The following PDS5A variants were observed in gnomAD, a reference collection of about 807,000 sequenced individuals.
PDS5A encodes the protein PDS5 cohesin associated factor A, also known as sister chromatid cohesion protein PDS5 homolog A.
PDS5A carries 42 observed loss-of-function variants against 167.1 expected under a neutral mutation model. The ratio of observed to expected loss-of-function variants is 0.25; its 90% CI spans 0.20 to 0.33. The LOEUF (loss-of-function observed/expected upper bound fraction) is 0.33. Ranked by LOEUF, PDS5A falls within the 10% of genes least tolerant of loss-of-function variation. The probability of loss-of-function intolerance (pLI) is 1.00; values close to 1 mark genes in which losing one functional copy is unlikely to be tolerated. For missense variants in PDS5A, 1,033 were observed against 1,605.9 expected (o/e 0.64, Z 6.10); for synonymous variants, 553 against 554.6 (o/e 1.00, Z 0.04).
intron 17 of PDS5A, among the ~76,000 whole-genome samples, chr4:39,885,580 T>C (rs1032835648): frequency 7.9e-5 from 12 of 151,502 alleles, no homozygotes; most frequent in African/African-American, 2.4e-4. Flanking sequence ...CAGAGTGAGA[T>C]CGTGTATCCA....
At position 39,844,933 on chromosome 4, in the gene PDS5A, T is replaced by C. The variant is rs1717454110; in HGVS notation, c.3403-132A>G. ...TTAAATTTACCAGAAATGTTCATTC[T>C]GGGCCAGGCATACTGGCTCCTGACT... On this transcript the variant is annotated intron_variant, in intron 29 of 32. Transcript: ENST00000303538. 3.0e-6 allele frequency: 3 copies of C among 988,502 alleles called. No individual in the cohort carries two copies. In the Admixed American group the frequency reaches 1.0e-4, roughly 34 times the overall value. The allele number at this position is 988,502 out of a possible 1,614,324, so 61.2% of individuals were successfully genotyped here.
intron 32 of PDS5A, among the ~76,000 whole-genome samples, chr4:39,829,754 A>G (rs1715654311): frequency 6.6e-6 from 1 of 151,852 alleles, no homozygotes; most frequent in East Asian, 1.9e-4. Context: ...GATCAAGACC[A>G]TCCTGGCTAA....
At chr4:39,861,448 A>G (rs749579663) in intron 26 of PDS5A, among the ~76,000 whole-genome samples, 4 of 152,026 alleles carry the variant, frequency 2.6e-5, no homozygotes, top group Admixed American at 6.6e-5. Context: ...AAAGAGCAAG[A>G]CTCCATCTCG....
intron 21 of PDS5A, among the ~76,000 whole-genome samples, chr4:39,871,173 A>G (rs1050433091): frequency 2.6e-5 from 4 of 152,140 alleles, no homozygotes; most frequent in Admixed American, 2.0e-4. Context: ...GAGTTTCTGT[A>G]TGGGGTGATA....
Position 39,824,163 on chromosome 4 carries a change from C to T in PDS5A, c.*1322G>A, listed in dbSNP as rs1715073671. The T allele has an allele frequency of 6.6e-6, 1 of 151,962 alleles. No individual in the cohort carries two copies. The highest frequency in any genetic ancestry group is 2.4e-5 in the African/African-American group (1 of 41,370). The allele number at this position is 151,962 out of a possible 1,614,324, so 9.4% of individuals were successfully genotyped here. A position where few individuals can be genotyped will look rare whatever the true frequency, so the allele number is the denominator to read the frequency against. ...TCCAGAATCAGGTCTTACATGCCTT[C>T]GTTATTTTGTTATCACAAAATTAAA... On this transcript the variant is annotated 3_prime_UTR_variant, in exon 33 of 33. Transcript: ENST00000303538.
chr4:39,897,753 C>T (rs186493616), intron 16 of PDS5A, among the ~76,000 whole-genome samples: 88 of 151,876 alleles, frequency 5.8e-4, no homozygotes, highest in Middle Eastern at 6.8e-3. Context: ...ATAGTTCTAG[C>T]TATTCAGAAG....
chr4:39,918,793 C>T (rs796900006), intron 7 of PDS5A, among the ~76,000 whole-genome samples: 35 of 152,246 alleles, frequency 2.3e-4, no homozygotes, highest in African/African-American at 7.7e-4. Context: ...GCGGAGGTTG[C>T]AGTGAGCTGA....
At chr4:39,858,314 CTTA>C (rs895346350) in intron 26 of PDS5A, among the ~76,000 whole-genome samples, 1 of 152,172 alleles carries the variant, frequency 6.6e-6, no homozygotes, top group African/African-American at 2.4e-5. Context: ...AATTCTGAAA[CTTA>C]TTATAAAGTT....
At chr4:39,849,958 A>T (rs1560425564) in intron 26 of PDS5A, among the ~76,000 whole-genome samples, 1 of 152,246 alleles carries the variant, frequency 6.6e-6, no homozygotes, top group East Asian at 1.9e-4. Context: ...TGGGTGGCTA[A>T]GGTGGGTAGA....
chr4:39,850,357 G>C (rs1718023265), intron 26 of PDS5A, among the ~76,000 whole-genome samples: 1 of 151,886 alleles, frequency 6.6e-6, no homozygotes, highest in South Asian at 2.1e-4. Flanking sequence ...GGGCATGGTA[G>C]TGGGCTCCTG....
chr4:39,869,920 A>G (rs1465721577), intron 21 of PDS5A, among the ~76,000 whole-genome samples: 1 of 152,168 alleles, frequency 6.6e-6, no homozygotes, highest in African/African-American at 2.4e-5. Flanking sequence ...CAGCCTGGCT[A>G]ACATGGCAAA....
At chr4:39,867,083 A>G (rs1404208898) in intron 22 of PDS5A, 86 bp from the exon 23 acceptor site, 1 of 1,011,186 alleles carries the variant, frequency 9.9e-7, no homozygotes, top group Non-Finnish European at 1.4e-6. Context: ...TAATGAGATT[A>G]CTCATCTCCA....
chr4:39,953,633 G>A (rs1349918754), intron 2 of PDS5A, among the ~76,000 whole-genome samples: 1 of 151,860 alleles, frequency 6.6e-6, no homozygotes, highest in Non-Finnish European at 1.5e-5. Flanking sequence ...CAGGAGGCTG[G>A]GGCAGGAGGA....
chr4:39,940,711 G>C (rs1727144045), intron 2 of PDS5A, among the ~76,000 whole-genome samples: 1 of 152,110 alleles, frequency 6.6e-6, no homozygotes, highest in South Asian at 2.1e-4. Context: ...ACCCAGGCTG[G>C]AGCGCAGAGG....
chr4:39,976,689 T>G, intron 1 of PDS5A, 72 bp from the exon 2 acceptor site: 5 of 771,724 alleles, frequency 6.5e-6, no homozygotes, highest in Non-Finnish European at 8.1e-6. Context: ...TTCAAATCTC[T>G]CTAATCTGGA....
intron 2 of PDS5A, among the ~76,000 whole-genome samples, chr4:39,934,108 T>TATACC (rs567873608): frequency 7.2e-4 from 109 of 152,310 alleles, no homozygotes; most frequent in African/African-American, 2.5e-3. Flanking sequence ...TGTACCAAAT[T>TATACC]ATACCAATGG....
In PDS5A at chr4:39,977,636, G is replaced by C. The variant is rs1329879722; in HGVS notation, c.-220C>G. ...GCGGTGCCGAGGAGGAGCAGCCGCCGCGGGGGGAGACGCGGGGCGAGTGAG... is the reference window on the plus strand; with the variant it reads ...GCGGTGCCGAGGAGGAGCAGCCGCCCCGGGGGGAGACGCGGGGCGAGTGAG... On this transcript the variant is annotated 5_prime_UTR_variant, in exon 1 of 33. Coordinates refer to ENST00000303538, the MANE Select transcript of PDS5A (RefSeq NM_001100399.2). The surrounding 1 kb of genome is among the most constrained non-coding windows in gnomAD (Gnocchi z 4.2). 6.5e-6 allele frequency: 1 copy of C among 152,700 alleles called. No homozygotes were observed. Among genetic ancestry groups the C allele is most frequent in the African/African-American group, 2.4e-5 (1 of 41,232 alleles). The allele number at this position is 152,700 out of a possible 1,614,324, so 9.5% of individuals were successfully genotyped here. A position where few individuals can be genotyped will look rare whatever the true frequency, so the allele number is the denominator to read the frequency against.
intron 2 of PDS5A, among the ~76,000 whole-genome samples, chr4:39,930,246 A>ATTTTTTT: frequency 4.3e-5 from 4 of 93,162 alleles, no homozygotes; most frequent in Non-Finnish European, 6.7e-5. Context: ...AAAAAAAAAA[A>ATTTTTTT]GTTTTTTTGT....
intron 8 of PDS5A, among the ~76,000 whole-genome samples, chr4:39,914,079 C>T (rs1056812487): frequency 3.2e-4 from 49 of 152,174 alleles, no homozygotes; most frequent in African/African-American, 1.2e-3. Context: ...CAGTTACCAC[C>T]CTAATAAGCT....
Sources: gnomAD v4.1 joint callset for allele counts (sites outside exome capture counted in the v4.1 genomes callset) on GRCh38, gnomAD v4.1.1 for gene constraint, Gnocchi (gnomAD v3.1) non-coding constraint, MANE v1.5 for transcripts, NCBI Gene and HGNC (gene_info 2026-07-23, HGNC 2026-07-21) for gene names.